Variants in ACTR3C observed in about 807,000 individuals in gnomAD.
The protein encoded by ACTR3C is actin related protein 3C, also known as actin-related protein 3C.
In ACTR3C, 18 loss-of-function variants were observed where a neutral mutation model predicts 26.3. The ratio of observed to expected loss-of-function variants is 0.68; its 90% CI spans 0.47 to 1.01. The LOEUF is 1.01. Among genes scored for constraint, ACTR3C ranks in the 50% least tolerant of loss-of-function variants. The pLI is 0.00. For synonymous variants in ACTR3C, 55 were observed against 94.5 expected, an observed-to-expected ratio of 0.58 and a Z score of 2.42; for missense variants, 184 against 250.7, an observed-to-expected ratio of 0.73 and a Z score of 1.80.
the ACTR3C span, among the ~76,000 whole-genome samples, chr7:149,944,859 G>C: frequency 6.6e-6 from 1 of 151,536 alleles, no homozygotes; most frequent in Non-Finnish European, 1.5e-5. Flanking sequence ...TGTGGTTTCT[G>C]TGGAGAACCC....
chr7:150,171,490 A>G, the ACTR3C span, among the ~76,000 whole-genome samples: 1 of 150,790 alleles, frequency 6.6e-6, no homozygotes, highest in East Asian at 1.9e-4. Context: ...TTTTACAGCA[A>G]TTTTTAGAAG....
intron 1 of ACTR3C, among the ~76,000 whole-genome samples, chr7:150,307,553 C>G (rs766576732): frequency 1.3e-4 from 20 of 152,190 alleles, no homozygotes; most frequent in Non-Finnish European, 2.8e-4. Context: ...TGTAATTTTT[C>G]ATTACCTACC....
At chr7:149,969,844 T>C in the ACTR3C span, among the ~76,000 whole-genome samples, 2 of 152,140 alleles carry the variant, frequency 1.3e-5, no homozygotes, top group East Asian at 3.9e-4. Flanking sequence ...AGTAGTGAAA[T>C]CCCAAAGGCA....
downstream of ACTR3C, chr7:150,246,346 G>A (rs1285816939): frequency 1.3e-5 from 2 of 152,174 alleles, no homozygotes; most frequent in African/African-American, 2.4e-5. Context: ...AAAGCCAAAG[G>A]CAGAACCGTC....
chr7:150,171,220 A>C, the ACTR3C span, among the ~76,000 whole-genome samples: 1 of 145,860 alleles, frequency 6.9e-6, no homozygotes, highest in African/African-American at 2.8e-5. Context: ...ATTCTGGGCC[A>C]TGAAACAAGT....
At chr7:149,987,284 G>T in the ACTR3C span, among the ~76,000 whole-genome samples, 3 of 152,032 alleles carry the variant, frequency 2.0e-5, no homozygotes, top group African/African-American at 7.2e-5. Context: ...AATTAACAGC[G>T]GCCAGGCGCT....
chr7:150,209,310 C>CAGAG, the ACTR3C span, among the ~76,000 whole-genome samples: 4,879 of 125,490 alleles, frequency 0.039, 175 homozygotes, highest in African/African-American at 0.083. Context: ...GAGACAGAAA[C>CAGAG]AGAGAGAGAG....
At chr7:150,202,909 T>G in the ACTR3C span, among the ~76,000 whole-genome samples, 15,039 of 152,232 alleles carry the variant, frequency 0.099, 957 homozygotes, top group East Asian at 0.24. Context: ...CCTTTCCAAA[T>G]GAATGGCACC....
the ACTR3C span, among the ~76,000 whole-genome samples, chr7:150,067,503 C>T: frequency 6.6e-6 from 1 of 152,270 alleles, no homozygotes; most frequent in African/African-American, 2.4e-5. Context: ...ATCTCAGGCC[C>T]TGGAGCCCTG....
chr7:150,284,949 A>G, intron 5 of ACTR3C, 104 bp from the exon 6 acceptor site: 1 of 1,079,982 alleles, frequency 9.3e-7, no homozygotes, highest in South Asian at 2.0e-5. Flanking sequence ...ATTTATTATA[A>G]CTTAAAAGAA....
At chr7:150,037,086 C>A in the ACTR3C span, among the ~76,000 whole-genome samples, 2 of 64,710 alleles carry the variant, frequency 3.1e-5, 1 homozygote, top group Non-Finnish European at 7.0e-5. Flanking sequence ...CCCCCTCGTG[C>A]GATGGGGGTC....
chr7:150,041,362 G>A, the ACTR3C span: 1 of 150,356 alleles, frequency 6.7e-6, no homozygotes, highest in East Asian at 1.9e-4. Flanking sequence ...CTGTTCCCGA[G>A]CTGCGTTCGG....
the ACTR3C span, among the ~76,000 whole-genome samples, chr7:149,947,050 G>C: frequency 1.3e-5 from 2 of 151,208 alleles, no homozygotes; most frequent in East Asian, 3.9e-4. Context: ...CCACTGGAGC[G>C]GGGGGTACCA....
the ACTR3C span, among the ~76,000 whole-genome samples, chr7:149,940,431 G>A: frequency 2.0e-5 from 3 of 151,548 alleles, no homozygotes; most frequent in Admixed American, 2.0e-4. Flanking sequence ...CTTACTTAAT[G>A]GTCCCTCTAG....
At chr7:150,006,298 A>C in the ACTR3C span, among the ~76,000 whole-genome samples, 1 of 151,734 alleles carries the variant, frequency 6.6e-6, no homozygotes, top group African/African-American at 2.4e-5. Context: ...CTGGGTTCAC[A>C]GCATTCTCCT....
At chr7:150,202,239 G>A in the ACTR3C span, among the ~76,000 whole-genome samples, 1 of 152,144 alleles carries the variant, frequency 6.6e-6, no homozygotes, top group Admixed American at 6.5e-5. Flanking sequence ...CATGGATGGT[G>A]TACCTTAAAG....
intron 6 of ACTR3C, among the ~76,000 whole-genome samples, chr7:150,263,187 T>C (rs1382732185): frequency 6.6e-6 from 1 of 151,600 alleles, no homozygotes; most frequent in Admixed American, 6.6e-5. Context: ...TGAACATATG[T>C]CCCCCATATA....
chr7:149,883,888 G>A, the ACTR3C span, among the ~76,000 whole-genome samples: 3 of 152,228 alleles, frequency 2.0e-5, no homozygotes, highest in Non-Finnish European at 4.4e-5. Flanking sequence ...CAGGCTTCCC[G>A]AACCGTCTTC....
the ACTR3C span, among the ~76,000 whole-genome samples, chr7:150,066,139 C>T: frequency 1.3e-5 from 2 of 152,146 alleles, no homozygotes; most frequent in Non-Finnish European, 2.9e-5. Context: ...TGATCTCAAA[C>T]ATACACACAC....
Sources: gnomAD v4.1 joint callset for allele counts (sites outside exome capture counted in the v4.1 genomes callset) on GRCh38, gnomAD v4.1.1 for gene constraint, MANE v1.5 for transcripts, NCBI Gene and HGNC (gene_info 2026-07-23, HGNC 2026-07-21) for gene names.